FRMD5: variants seen among roughly 807,000 people sequenced by gnomAD.
The protein encoded by FRMD5 is FERM domain-containing protein 5.
A neutral mutation model predicts 69.0 loss-of-function variants in FRMD5; 20 were observed. The ratio of observed to expected loss-of-function variants is 0.29; its 90% CI spans 0.20 to 0.42. The LOEUF (loss-of-function observed/expected upper bound fraction) is 0.42, where lower values mean the gene tolerates loss of function less well. Ranked by LOEUF, FRMD5 falls within the 10% of genes least tolerant of loss-of-function variation. FRMD5 has a pLI of 1.00. For missense variants in FRMD5, 595 were observed against 708.6 expected (o/e 0.84, Z 1.82); for synonymous variants, 271 against 260.1 (o/e 1.04, Z -0.40).
At chr15:43,993,226 T>C (rs2140144015) in intron 1 of FRMD5, among the ~76,000 whole-genome samples, 1 of 152,250 alleles carries the variant, frequency 6.6e-6, no homozygotes, top group Non-Finnish European at 1.5e-5. Context: ...TGGAGTCTCA[T>C]TCTGTTGCCA....
At chr15:44,006,588 C>T (rs1442841443) in intron 1 of FRMD5, among the ~76,000 whole-genome samples, 1 of 152,114 alleles carries the variant, frequency 6.6e-6, no homozygotes, top group Admixed American at 6.5e-5. Flanking sequence ...CCATTAAGAA[C>T]ATCTGTGGCT....
In FRMD5 at chr15:44,127,787, G is replaced by A. The variant is rs529343521; in HGVS notation, c.102+67166C>T. On this transcript the variant is annotated intron_variant, in intron 1 of 13. Transcript: ENST00000417257. ...CTTGGAAGGCTGAGGTGGGAGGGCC[G>A]CTTGAGCCTGGGAGGTTGAGGCTGC... is the stretch of plus-strand genomic sequence containing the variant. 3.3e-5 allele frequency among the ~76,000 whole-genome samples: 5 copies of A among 152,182 alleles called. 1 individual carries two copies. The highest frequency in any genetic ancestry group is 4.8e-5 in the African/African-American group (2 of 41,522).
At chr15:44,139,941 G>A (rs2077243577) in intron 1 of FRMD5, among the ~76,000 whole-genome samples, 1 of 151,900 alleles carries the variant, frequency 6.6e-6, no homozygotes, top group South Asian at 2.1e-4. Context: ...AGACTAAATG[G>A]ACAAAAATTC....
chr15:43,994,931 G>A (rs1889852517), intron 1 of FRMD5, among the ~76,000 whole-genome samples: 1 of 152,108 alleles, frequency 6.6e-6, no homozygotes, highest in Non-Finnish European at 1.5e-5. Context: ...GACAAGTTTG[G>A]TGGTGATGAA....
intron 13 of FRMD5, among the ~76,000 whole-genome samples, chr15:43,879,174 T>C (rs2088454682): frequency 6.6e-6 from 1 of 152,074 alleles, no homozygotes; most frequent in Non-Finnish European, 1.5e-5. Flanking sequence ...TGACCTCAAG[T>C]GATCTGCCCA....
At chr15:44,047,399 A>G (rs1432364447) in intron 1 of FRMD5, among the ~76,000 whole-genome samples, 1 of 152,158 alleles carries the variant, frequency 6.6e-6, no homozygotes, top group Non-Finnish European at 1.5e-5. Flanking sequence ...TAGGCCAGAC[A>G]CGGGTGCCCT....
At chr15:43,905,737 A>G in intron 6 of FRMD5, 91 bp downstream of exon 6, 1 of 1,502,890 alleles carries the variant, frequency 6.7e-7, no homozygotes. Flanking sequence ...GTCAGTAAAC[A>G]GTCTGCGAGA....
chr15:44,144,574 A>T (rs1454929662), intron 1 of FRMD5, among the ~76,000 whole-genome samples: 1 of 152,144 alleles, frequency 6.6e-6, no homozygotes, highest in Non-Finnish European at 1.5e-5. Flanking sequence ...AGAATACACA[A>T]CTTCTCTTTC....
At chr15:43,914,261 T>A (rs1279085893) in intron 4 of FRMD5, among the ~76,000 whole-genome samples, 1 of 152,120 alleles carries the variant, frequency 6.6e-6, no homozygotes, top group East Asian at 1.9e-4. Context: ...CTGGAGAGTT[T>A]TTTCCAGAAG....
intron 1 of FRMD5, among the ~76,000 whole-genome samples, chr15:44,109,916 T>G (rs1346160590): frequency 1.3e-5 from 2 of 152,238 alleles, no homozygotes; most frequent in Non-Finnish European, 2.9e-5. Flanking sequence ...TACAACCTGA[T>G]TGGTTTCTTT....
At chr15:44,154,438 T>C (rs947373875) in intron 1 of FRMD5, among the ~76,000 whole-genome samples, 1 of 152,230 alleles carries the variant, frequency 6.6e-6, no homozygotes, top group Non-Finnish European at 1.5e-5. Context: ...TTTATCGGCT[T>C]ACATACTTGG....
At chr15:44,169,448 A>T (rs546350474) in intron 1 of FRMD5, among the ~76,000 whole-genome samples, 2 of 152,312 alleles carry the variant, frequency 1.3e-5, no homozygotes, top group Admixed American at 1.3e-4. Flanking sequence ...CACCAGGTGG[A>T]AAGGGAGTAG....
intron 1 of FRMD5, among the ~76,000 whole-genome samples, chr15:43,952,754 T>G (rs952995358): frequency 6.6e-6 from 1 of 152,250 alleles, no homozygotes; most frequent in Non-Finnish European, 1.5e-5. Flanking sequence ...ACGCAGCTTT[T>G]GTCAGAGGCT....
chr15:43,989,847 G>A (rs1343808321), intron 1 of FRMD5: 1 of 1,012,766 alleles, frequency 9.9e-7, no homozygotes, highest in Non-Finnish European at 1.6e-6. Context: ...GGTTGGCCTT[G>A]GGGCTCAGGG....
chr15:43,942,578 A>C (rs11853395), intron 1 of FRMD5, among the ~76,000 whole-genome samples: 12,350 of 152,252 alleles, frequency 0.081, 823 homozygotes, highest in African/African-American at 0.18. Context: ...AAGACAGCAA[A>C]AGACAGGGAG....
At chr15:43,979,969 G>A in intron 1 of FRMD5, among the ~76,000 whole-genome samples, 1 of 152,182 alleles carries the variant, frequency 6.6e-6, no homozygotes, top group East Asian at 1.9e-4. Flanking sequence ...TTAAGGTAAA[G>A]GAACCAAGAC....
chr15:43,874,660 G>A lies in FRMD5; in HGVS notation c.1136-198C>T, dbSNP rs977039249. Among the ~76,000 whole-genome samples, 18 of 152,276 alleles carry A rather than the reference G, an allele frequency of 1.2e-4. No homozygotes were observed. In the South Asian group the frequency reaches 3.7e-3, roughly 32 times the overall value. Reference sequence around the variant, plus strand: ...TACACCTGTCATCTCAGCACTTTGGGAGGCCGAGATGGGTGGATCGCTTGA... The same window carrying A: ...TACACCTGTCATCTCAGCACTTTGGAAGGCCGAGATGGGTGGATCGCTTGA... On this transcript the variant is annotated intron_variant, in intron 13 of 13. Transcript: ENST00000417257.
chr15:44,122,615 G>A (rs953007324), intron 1 of FRMD5, among the ~76,000 whole-genome samples: 3 of 152,026 alleles, frequency 2.0e-5, no homozygotes, highest in African/African-American at 4.8e-5. Flanking sequence ...GCTGGGCATG[G>A]TGCTCACACC....
intron 1 of FRMD5, among the ~76,000 whole-genome samples, chr15:44,182,234 T>A (rs956105252): frequency 6.6e-6 from 1 of 151,818 alleles, no homozygotes; most frequent in Non-Finnish European, 1.5e-5. Flanking sequence ...TGGTCTTGAA[T>A]GCCTGACCTC....
Sources: allele counts gnomAD v4.1 joint callset (sites outside exome capture counted in the v4.1 genomes callset), GRCh38; gene constraint gnomAD v4.1.1; transcripts MANE v1.5; gene names NCBI Gene and HGNC (gene_info 2026-07-23, HGNC 2026-07-21).